The following SAMHD1 variants were observed in gnomAD, a reference collection of about 807,000 sequenced individuals.
SAMHD1 encodes the protein SAM and HD domain containing deoxynucleoside triphosphate triphosphohydrolase 1.
In SAMHD1, 54 loss-of-function variants were observed where a neutral mutation model predicts 79.6. The observed-to-expected ratio is 0.68, with a 90% CI of 0.55 to 0.85. SAMHD1 has a LOEUF of 0.85. Ranked by LOEUF, SAMHD1 falls within the 40% of genes least tolerant of loss-of-function variation. SAMHD1 has a pLI of 0.00. For missense variants in SAMHD1, 663 were observed against 782.7 expected, an observed-to-expected ratio of 0.85 and a Z score of 1.82; for synonymous variants, 260 against 264.1, an observed-to-expected ratio of 0.98 and a Z score of 0.15.
chr20:36,915,676 G>C (rs1241283423), intron 9 of SAMHD1, among the ~76,000 whole-genome samples: 1 of 151,654 alleles, frequency 6.6e-6, no homozygotes, highest in Non-Finnish European at 1.5e-5. Flanking sequence ...GGCAGAGCTT[G>C]CAGTGAGCCG....
Position 36,946,631 on chromosome 20 carries a change from C to A in SAMHD1, c.275+107G>T. The A allele has an allele frequency of 2.4e-6, 2 of 830,440 alleles. 1 individual carries two copies. Among genetic ancestry groups the A allele is most frequent in the South Asian group, 3.0e-5 (2 of 67,078 alleles). 51.4% of individuals were successfully genotyped at this position (830,440 alleles called of 1,614,324 possible). A position where few individuals can be genotyped will look rare whatever the true frequency, so the allele number is the denominator to read the frequency against. On this transcript the variant is annotated intron_variant, in intron 2 of 15. Transcript: ENST00000646673. The stretch of plus-strand genomic sequence containing the variant: ...GGGATTCTGCTGTTTTAAAGCACTT[C>A]ATAGATTTAAAATGAGGACAGTTTA...
intron 1 of SAMHD1, among the ~76,000 whole-genome samples, chr20:36,949,133 G>C (rs550059456): frequency 6.6e-6 from 1 of 150,938 alleles, no homozygotes; most frequent in Admixed American, 6.6e-5. Flanking sequence ...GCGTGGTGGC[G>C]TGCACCTGTA....
intron 2 of SAMHD1, among the ~76,000 whole-genome samples, 194 bp from the exon 3 acceptor site, chr20:36,941,305 C>T (rs1204933034): frequency 1.3e-5 from 2 of 151,840 alleles, no homozygotes. Context: ...AACTCTCCTG[C>T]TGAATCAATA....
chr20:36,928,306 G>A (rs1255574129), intron 5 of SAMHD1, among the ~76,000 whole-genome samples: 1 of 151,786 alleles, frequency 6.6e-6, no homozygotes, highest in African/African-American at 2.4e-5. Context: ...GGAGAATGGC[G>A]TGAACCTGGG....
chr20:36,891,285 G>T lies in SAMHD1; in HGVS notation c.*1647C>A, dbSNP rs1990068366. ...GACATTCCAAGTACTCTTCACCCCA[G>T]TGTGGACGGAACAGAATCTGGCTAC... On this transcript the variant is annotated 3_prime_UTR_variant, in exon 16 of 16. Transcript: ENST00000646673. The T allele has an allele frequency of 6.6e-6, 1 of 152,304 alleles. No homozygotes were observed. The highest frequency in any genetic ancestry group is 2.1e-4 in the South Asian group (1 of 4,834). 9.4% of individuals were successfully genotyped at this position (152,304 alleles called of 1,614,324 possible).
chr20:36,905,692 C>T (rs761394460), intron 11 of SAMHD1, among the ~76,000 whole-genome samples, 189 bp from the exon 12 acceptor site: 1 of 152,082 alleles, frequency 6.6e-6, no homozygotes, highest in Non-Finnish European at 1.5e-5. Context: ...TCCAGTCGGC[C>T]AGTCATAGTG....
At chr20:36,930,140 TATC>T (rs2063559767) in intron 5 of SAMHD1, among the ~76,000 whole-genome samples, 1 of 146,178 alleles carries the variant, frequency 6.8e-6, no homozygotes, top group Non-Finnish European at 1.5e-5. Context: ...AAAATTCACA[TATC>T]ATCCTAAAAG....
rs1990096517 is a variant in SAMHD1 at position 36,892,337 on chromosome 20, G to A, written c.*595C>T. 5.6e-6 allele frequency: 1 copy of A among 179,342 alleles called. No homozygotes were observed. Among genetic ancestry groups the A allele is most frequent in the Non-Finnish European group, 1.2e-5 (1 of 85,354 alleles). 11.1% of individuals were successfully genotyped at this position (179,342 alleles called of 1,614,324 possible). A position where few individuals can be genotyped will look rare whatever the true frequency, so the allele number is the denominator to read the frequency against. On this transcript the variant is annotated 3_prime_UTR_variant, in exon 16 of 16. Transcript: ENST00000646673. ...ACTTATGCTTAGGTCACTCTTAGAG[G>A]ACTATCCTCAAACTTGAGGTGACAG...
At chr20:36,933,903 A>G (rs922086289) in intron 4 of SAMHD1, among the ~76,000 whole-genome samples, 10 of 151,844 alleles carry the variant, frequency 6.6e-5, no homozygotes, top group African/African-American at 2.4e-4. Flanking sequence ...AAAATTAGCC[A>G]GGCGTGGTGG....
At chr20:36,924,144 C>A (rs914273108) in intron 6 of SAMHD1, among the ~76,000 whole-genome samples, 14 of 151,874 alleles carry the variant, frequency 9.2e-5, no homozygotes, top group African/African-American at 2.9e-4. Flanking sequence ...CCCAGCTACT[C>A]TGGAGGATGA....
chr20:36,949,733 G>A (rs1568787476), intron 1 of SAMHD1, among the ~76,000 whole-genome samples: 1 of 145,118 alleles, frequency 6.9e-6, no homozygotes, highest in Non-Finnish European at 1.5e-5. Context: ...CTCCAGCCTG[G>A]CGACAGAGCG....
At chr20:36,949,447 T>C (rs1355644334) in intron 1 of SAMHD1, among the ~76,000 whole-genome samples, 3 of 133,904 alleles carry the variant, frequency 2.2e-5, no homozygotes, top group Non-Finnish European at 3.1e-5. Context: ...CAAAACCCTG[T>C]CTCTAATTAA....
At position 36,935,104 on chromosome 20, in the gene SAMHD1, C is replaced by T. The variant is rs515726145; in HGVS notation, c.434G>A (p.Arg145Gln). ...IIDTPQFQRL[R>Q]YIKQLGGGYY... ...ACCACCTCCCAGCTGTTTGATGTAT[C>T]GAAGACGTTGAAATTGAGGTGTATC... The change falls in exon 4 of 16, where the codon CGA (arginine) becomes CAA (glutamine). Residue 145 changes from arginine to glutamine, a missense_variant. Coordinates refer to ENST00000646673, the MANE Select transcript of SAMHD1 (RefSeq NM_015474.4). The T allele has an allele frequency of 6.2e-6, 10 of 1,613,948 alleles. No individual in the cohort carries two copies. The highest frequency in any genetic ancestry group is 1.6e-4 in the Middle Eastern group (1 of 6,062).
chr20:36,899,257 T>TA (rs34443478), intron 13 of SAMHD1, among the ~76,000 whole-genome samples: 28,509 of 108,552 alleles, frequency 0.26, 3,356 homozygotes, highest in African/African-American at 0.37. Flanking sequence ...CCAAAAATAC[T>TA]AAAAAAAAAA....
Position 36,912,461 on chromosome 20 carries a change from A to G in SAMHD1, c.1154T>C (p.Met385Thr), listed in dbSNP as rs748477467. The change falls in exon 10 of 16, where the codon ATG becomes ACG. Residue 385 changes from methionine to threonine, a missense_variant and splice_region_variant. Transcript: ENST00000646673. ...GGGAAATGACAATCAAGTTTCTTAC[A>G]TTGTATCAATAATGTTGCCAACTTT... Reference protein sequence around the residue: ...QHKVGNIIDTMITDAFLKADD... With the variant: ...QHKVGNIIDTTITDAFLKADD... 3 of 1,598,274 alleles carry G rather than the reference A, an allele frequency of 1.9e-6. No homozygotes were observed. The highest frequency in any genetic ancestry group is 2.2e-5 in the East Asian group (1 of 44,790).
Position 36,897,918 on chromosome 20 carries a change from A to G in SAMHD1, c.1650T>C (p.Ile550=). ...LLPEKFAEQL[I]RVYCKKVDRK... is the part of the protein sequence containing the mutation. ...TGTCCACCTTCTTACAATATACTCG[A>G]ATCAGCTGCTCTGCAAATTTCTCTG... is the stretch of plus-strand genomic sequence containing the variant. Residue 550 remains isoleucine (I), a synonymous_variant, in exon 15 of 16, where the codon ATT becomes ATC. Transcript: ENST00000646673. 5 of 1,614,226 alleles carry G rather than the reference A, an allele frequency of 3.1e-6. No homozygotes were observed. The highest frequency in any genetic ancestry group is 4.2e-6 in the Non-Finnish European group (5 of 1,180,048).
intron 12 of SAMHD1, 123 bp from the exon 13 acceptor site, chr20:36,904,372 ATATAGCTCC>A (rs1808751960): frequency 1.3e-6 from 1 of 750,858 alleles, no homozygotes; most frequent in African/African-American, 1.7e-5. Context: ...TCCTTAACAA[ATATAGCTCC>A]TACCAATGTC....
intron 2 of SAMHD1, among the ~76,000 whole-genome samples, chr20:36,941,498 G>T (rs1451457238): frequency 3.3e-5 from 5 of 152,124 alleles, no homozygotes; most frequent in Non-Finnish European, 7.3e-5. Flanking sequence ...ACTCAAGCAT[G>T]AATGAAATAC....
chr20:36,925,120 C>T (rs1452246274), intron 6 of SAMHD1, among the ~76,000 whole-genome samples: 1 of 147,356 alleles, frequency 6.8e-6, no homozygotes, highest in Non-Finnish European at 1.5e-5. Flanking sequence ...CGCACCACTG[C>T]ACTCCAGCCT....
Sources: allele counts gnomAD v4.1 joint callset (sites outside exome capture counted in the v4.1 genomes callset), GRCh38; gene constraint gnomAD v4.1.1; transcripts MANE v1.5; gene names NCBI Gene and HGNC (gene_info 2026-07-23, HGNC 2026-07-21).